Variants in FGF6 observed in about 807,000 individuals in gnomAD.
FGF6 encodes the protein fibroblast growth factor 6.
In FGF6, 14 loss-of-function variants were observed where a neutral mutation model predicts 18.4. The observed-to-expected ratio is 0.76, with a 90% CI of 0.50 to 1.19. The LOEUF (loss-of-function observed/expected upper bound fraction) is 1.19. FGF6 is among the 50% of genes most tolerant of loss of function. The pLI, the probability that FGF6 is intolerant of heterozygous loss-of-function variation, is 0.00. For missense variants in FGF6, 266 were observed against 271.6 expected, an observed-to-expected ratio of 0.98 and a Z score of 0.15; for synonymous variants, 125 against 116.7, an observed-to-expected ratio of 1.07 and a Z score of -0.46.
intron 2 of FGF6, among the ~76,000 whole-genome samples, chr12:4,442,768 GAT>G (rs1479495180): frequency 6.6e-6 from 1 of 152,172 alleles, no homozygotes; most frequent in East Asian, 1.9e-4. Context: ...CGGTAACAAG[GAT>G]ATGTCTCTTC....
Position 4,444,250 on chromosome 12 carries a change from G to C in FGF6, c.347-14C>G, listed in dbSNP as rs759598206. On this transcript the variant is annotated splice_polypyrimidine_tract_variant and intron_variant, in intron 1 of 2. Transcript: ENST00000228837. Reference sequence around the variant, plus strand: ...TTTCCAGCAGGCCTGACAAGGAAAGGGGGGCCACATTACCTAAGGCTTGTG... The same window carrying C: ...TTTCCAGCAGGCCTGACAAGGAAAGCGGGGCCACATTACCTAAGGCTTGTG... 22 of 1,576,112 alleles carry C rather than the reference G, an allele frequency of 1.4e-5. No homozygotes were observed. The South Asian group carries it at 1.9e-4, about 14-fold the overall frequency.
intron 2 of FGF6, 70 bp from the exon 3 acceptor site, chr12:4,434,461 C>CTACTCTCTGCGGCCCA: frequency 1.3e-6 from 2 of 1,510,616 alleles, no homozygotes; most frequent in Non-Finnish European, 1.8e-6. Flanking sequence ...CCAGCTGGGC[C>CTACTCTCTGCGGCCCA]GCAGAGAGTA....
intron 2 of FGF6, among the ~76,000 whole-genome samples, chr12:4,442,969 A>C (rs576131690): frequency 2.0e-5 from 3 of 152,348 alleles, no homozygotes; most frequent in Non-Finnish European, 1.5e-5. Flanking sequence ...CTGAATAAGA[A>C]TCTCCTAGGT....
At chr12:4,444,357 C>T (rs2241277) in intron 1 of FGF6, 121 bp from the exon 2 acceptor site, 545,934 of 652,138 alleles carry the variant, frequency 0.84, 233,760 homozygotes, top group Non-Finnish European at 0.91. Context: ...TCCATTGCCC[C>T]ATCCATGATC....
rs369471848 is a variant in FGF6, at chr12:4,445,258, G to T, written c.313C>A (p.Arg105=). 2 of 1,613,570 alleles carry T rather than the reference G, an allele frequency of 1.2e-6. No individual in the cohort carries two copies. Among genetic ancestry groups the T allele is most frequent in the South Asian group, 2.2e-5 (2 of 91,058 alleles). ...TTCTCCTCGTGGGTCCCGCTGATCCGGCCGTCGGGGAGCACCTGGAGGTGA... is the reference window on the plus strand; with the variant it reads ...TTCTCCTCGTGGGTCCCGCTGATCCTGCCGTCGGGGAGCACCTGGAGGTGA... ...GFHLQVLPDG[R]ISGTHEENPY... is the part of the protein sequence containing the mutation. Residue 105 remains arginine (R), a synonymous_variant, in exon 1 of 3, where the codon CGG becomes AGG. Coordinates refer to ENST00000228837, the MANE Select transcript of FGF6 (RefSeq NM_020996.3). This position sits in a 1 kb window ranked among gnomAD's most constrained non-coding sequence, Gnocchi z 5.5.
chr12:4,438,751 CAAAAAAAAAAAAAAA>C (rs386375443), intron 2 of FGF6, among the ~76,000 whole-genome samples: 3 of 39,732 alleles, frequency 7.6e-5, no homozygotes, highest in African/African-American at 2.1e-4. Flanking sequence ...GACTCTATCT[CAAAAAAAAAAAAAAA>C]AAAAAAAAAA....
At chr12:4,437,751 T>C (rs1167010588) in intron 2 of FGF6, among the ~76,000 whole-genome samples, 3 of 152,202 alleles carry the variant, frequency 2.0e-5, no homozygotes, top group African/African-American at 7.2e-5. Context: ...AACTGAATGG[T>C]ATTTTATTAT....
chr12:4,445,728 G>C lies in FGF6; in HGVS notation c.-158C>G. ...AGCCTCCATCGGGCACTCGGGTTGA[G>C]AGCAGAGGGACCCAGGCTGAGCCGC... is the stretch of plus-strand genomic sequence containing the variant. On this transcript the variant is annotated 5_prime_UTR_variant, in exon 1 of 3. Coordinates refer to ENST00000228837, the MANE Select transcript of FGF6 (RefSeq NM_020996.3). This position sits in a 1 kb window ranked among gnomAD's most constrained non-coding sequence, Gnocchi z 5.5. 1 of 646,106 alleles carries C rather than the reference G, an allele frequency of 1.5e-6. No individual in the cohort carries two copies. The allele number at this position is 646,106 out of a possible 1,614,324, so 40.0% of individuals were successfully genotyped here.
At position 4,445,261 on chromosome 12, in the gene FGF6, C is replaced by T. The variant is rs568105919; in HGVS notation, c.310G>A (p.Gly104Ser). 6.8e-6 allele frequency: 11 copies of T among 1,613,740 alleles called. No homozygotes were observed. The highest frequency in any genetic ancestry group is 4.4e-5 in the South Asian group (4 of 91,072). The change falls in exon 1 of 3, where the codon GGC (glycine) becomes AGC (serine). Residue 104 changes from glycine (G) to serine (S), a missense_variant. Coordinates refer to ENST00000228837, the MANE Select transcript of FGF6 (RefSeq NM_020996.3). The surrounding 1 kb of genome is among the most constrained non-coding windows in gnomAD (Gnocchi z 5.5). The part of the protein sequence containing the change: ...IGFHLQVLPD[G>S]RISGTHEENP... ...TCCTCGTGGGTCCCGCTGATCCGGC[C>T]GTCGGGGAGCACCTGGAGGTGAAAG...
chr12:4,440,087 A>G (rs1469769687), intron 2 of FGF6, among the ~76,000 whole-genome samples: 1 of 152,194 alleles, frequency 6.6e-6, no homozygotes, highest in East Asian at 1.9e-4. Context: ...AGCCAAGTGA[A>G]CGCCATGTTC....
chr12:4,434,972 A>G (rs1380719582), intron 2 of FGF6, among the ~76,000 whole-genome samples: 1 of 151,844 alleles, frequency 6.6e-6, no homozygotes, highest in Non-Finnish European at 1.5e-5. Context: ...GGGGGAGGAG[A>G]CACAAGTGAT....
rs768870607 is a variant in FGF6 at position 4,445,301 on chromosome 12, G to A, written c.270C>T (p.Cys90=). The A allele has an allele frequency of 6.2e-7, 1 of 1,613,952 alleles. No individual in the cohort carries two copies. The highest frequency in any genetic ancestry group is 8.5e-7 in the Non-Finnish European group (1 of 1,180,042). ...VGIKRQRRLY[C]NVGIGFHLQV... is the part of the protein sequence containing the mutation. Reference sequence around the variant, plus strand: ...GGAGGTGAAAGCCGATGCCCACGTTGCAGTAGAGCCTCCGCTGCCGCTTGA... The same window carrying A: ...GGAGGTGAAAGCCGATGCCCACGTTACAGTAGAGCCTCCGCTGCCGCTTGA... The change falls in exon 1 of 3, where the codon TGC becomes TGT. Residue 90 remains cysteine, a synonymous_variant. Transcript: ENST00000228837. The surrounding 1 kb of genome is among the most constrained non-coding windows in gnomAD (Gnocchi z 5.5).
intron 2 of FGF6, among the ~76,000 whole-genome samples, chr12:4,437,484 T>A (rs1159455976): frequency 6.6e-6 from 1 of 152,200 alleles, no homozygotes; most frequent in Non-Finnish European, 1.5e-5. Flanking sequence ...GGACCCTGGT[T>A]TCCTGCCCTG....
intron 2 of FGF6, among the ~76,000 whole-genome samples, chr12:4,439,600 T>C (rs1461753034): frequency 6.6e-6 from 1 of 152,168 alleles, no homozygotes; most frequent in Non-Finnish European, 1.5e-5. Flanking sequence ...AGATTGTACT[T>C]TGCTTCTCTG....
intron 2 of FGF6, among the ~76,000 whole-genome samples, chr12:4,439,275 A>C (rs917281397): frequency 4.6e-5 from 7 of 152,276 alleles, no homozygotes; most frequent in African/African-American, 1.7e-4. Flanking sequence ...CTCTCCACCC[A>C]CCAGCCTCCC....
At chr12:4,444,503 T>G (rs2970828) in intron 1 of FGF6, among the ~76,000 whole-genome samples, 2 of 152,086 alleles carry the variant, frequency 1.3e-5, no homozygotes, top group Admixed American at 1.3e-4. Flanking sequence ...CTGTTTAAGA[T>G]GAGCTTTGAA....
In FGF6 at chr12:4,445,292, G is replaced by A; in HGVS notation, c.279C>T (p.Gly93=). 1.9e-6 allele frequency: 3 copies of A among 1,614,060 alleles called. No homozygotes were observed. Among genetic ancestry groups the A allele is most frequent in the Non-Finnish European group, 2.5e-6 (3 of 1,180,030 alleles). ...KRQRRLYCNV[G]IGFHLQVLPD... Reference sequence around the variant, plus strand: ...GGAGCACCTGGAGGTGAAAGCCGATGCCCACGTTGCAGTAGAGCCTCCGCT... The same window carrying A: ...GGAGCACCTGGAGGTGAAAGCCGATACCCACGTTGCAGTAGAGCCTCCGCT... Residue 93 remains glycine (G), a synonymous_variant, in exon 1 of 3, where the codon GGC becomes GGT. Coordinates refer to ENST00000228837, the MANE Select transcript of FGF6 (RefSeq NM_020996.3). The surrounding 1 kb of genome is among the most constrained non-coding windows in gnomAD (Gnocchi z 5.5).
chr12:4,434,992 C>G (rs1367252708), intron 2 of FGF6, among the ~76,000 whole-genome samples: 1 of 151,888 alleles, frequency 6.6e-6, no homozygotes, highest in Non-Finnish European at 1.5e-5. Context: ...TCTCTTAAGC[C>G]CTTTCCAGCA....
chr12:4,438,806 A>G (rs1865654233), intron 2 of FGF6, among the ~76,000 whole-genome samples: 1 of 150,694 alleles, frequency 6.6e-6, no homozygotes, highest in Admixed American at 6.7e-5. Flanking sequence ...ATTATGGTAG[A>G]TCCACATGAT....
Sources: gnomAD v4.1 joint callset for allele counts (sites outside exome capture counted in the v4.1 genomes callset) on GRCh38, gnomAD v4.1.1 for gene constraint, Gnocchi (gnomAD v3.1) non-coding constraint, MANE v1.5 for transcripts, NCBI Gene and HGNC (gene_info 2026-07-23, HGNC 2026-07-21) for gene names.